TTN: variants seen among roughly 807,000 people sequenced by gnomAD.
TTN encodes titin, also known as connectin.
In TTN, 1,525 loss-of-function variants were observed where a neutral mutation model predicts 3,223.0. The ratio of observed to expected loss-of-function variants is 0.47; its 90% CI spans 0.45 to 0.49. TTN has a LOEUF of 0.49. TTN is among the 20% of genes least tolerant of loss of function. The pLI, the probability that TTN is intolerant of heterozygous loss-of-function variation, is 0.00. For synonymous variants in TTN, 14,094 were observed against 15,161.0 expected (o/e 0.93, Z 5.17); for missense variants, 40,786 against 43,424.0 (o/e 0.94, Z 5.40).
In TTN at chr2:178,652,932, C is replaced by T. The variant is rs1560116489; in HGVS notation, c.38876-1G>A. ...ACAACCTCTATGGGAGCCTCTGGCA[C>T]TTAAAAGATATTAGTGAAATTACAT... On this transcript the variant is annotated splice_acceptor_variant, in intron 199 of 362. Transcript: ENST00000589042. LOFTEE classifies it high-confidence loss of function. The T allele has an allele frequency of 3.7e-6, 6 of 1,604,370 alleles. No homozygotes were observed. The highest frequency in any genetic ancestry group is 1.7e-4 in the Middle Eastern group (1 of 5,998).
rs1691516796 is a variant in TTN, at chr2:178,536,398, G to T, written c.100349C>A (p.Thr33450Asn). 1.2e-6 allele frequency: 2 copies of T among 1,613,652 alleles called. No individual in the cohort carries two copies. The highest frequency in any genetic ancestry group is 1.7e-6 in the Non-Finnish European group (2 of 1,179,732). The change falls in exon 357 of 363, where the codon ACT (threonine) becomes AAT (asparagine). Residue 33450 changes from threonine to asparagine, a missense_variant. Thr to Asn is a moderately conservative substitution (Grantham distance 65, BLOSUM62 0). Coordinates refer to ENST00000589042, the MANE Select transcript of TTN (RefSeq NM_001267550.2). ...AATAAGGTTTTTCACTGAAAAGACA[G>T]TTTCTCGAATTTCTTCTGTTGTCAC... ...ISVTTEEIRE[T>N]VFSVKNLIEG...
Position 178,611,288 on chromosome 2 carries a change from A to G in TTN, c.50858-17T>C. On this transcript the variant is annotated splice_polypyrimidine_tract_variant and intron_variant, in intron 269 of 362. Transcript: ENST00000589042. ...TTGGCTTGCCTGTAAGATATCATTC[A>G]AAAGAGCAAAAAACAGAGTATGTCA... 1 of 1,610,944 alleles carries G rather than the reference A, an allele frequency of 6.2e-7. No homozygotes were observed. Among genetic ancestry groups the G allele is most frequent in the South Asian group, 1.1e-5 (1 of 90,608 alleles).
rs80003323 is a variant in TTN, at chr2:178,734,959, G to T, written c.14965C>A (p.Pro4989Thr). 1.0e-5 allele frequency: 16 copies of T among 1,596,974 alleles called. No individual in the cohort carries two copies. The highest frequency in any genetic ancestry group is 1.7e-4 in the Middle Eastern group (1 of 6,020). The change falls in exon 51 of 363, where the codon CCC becomes ACC. Residue 4989 changes from proline (P) to threonine (T), a missense_variant. By Grantham distance (38) the Pro-to-Thr change is conservative. Coordinates refer to ENST00000589042, the MANE Select transcript of TTN (RefSeq NM_001267550.2). ...EPPSFVKKVD[P>T]SYLMLPGESA... ...TCACCTGGGAGCATTAAATAAGAGG[G>T]ATCCACCTTCTTCACGAAGGATGGT...
At position 178,545,536 on chromosome 2, in the gene TTN, G is replaced by A. The variant is rs367557151; in HGVS notation, c.95574C>T (p.Asn31858=). 6.2e-7 allele frequency: 1 copy of A among 1,613,662 alleles called. No individual in the cohort carries two copies. Among genetic ancestry groups the A allele is most frequent in the Non-Finnish European group, 8.5e-7 (1 of 1,179,708 alleles). ...EKKSLRWTRV[N]KDYVVYDTRL... Reference sequence around the variant, plus strand: ...TGGTATCATACACCACATAGTCTTTGTTGACACGTGTCCAGCGCAGGCTCT... The same window carrying A: ...TGGTATCATACACCACATAGTCTTTATTGACACGTGTCCAGCGCAGGCTCT... Residue 31858 remains asparagine, a synonymous_variant, in exon 344 of 363, where the codon AAC becomes AAT. Coordinates refer to ENST00000589042, the MANE Select transcript of TTN (RefSeq NM_001267550.2).
At position 178,740,420 on chromosome 2, in the gene TTN, G is replaced by T. The variant is rs373302409; in HGVS notation, c.12813C>A (p.His4271Gln). 3.1e-6 allele frequency: 5 copies of T among 1,613,050 alleles called. No individual in the cohort carries two copies. In the Admixed American group the frequency reaches 8.3e-5, roughly 27 times the overall value. ...LILSQSLAEGHVESLQSPDVM... is the reference protein window; with the variant it reads ...LILSQSLAEGQVESLQSPDVM... Reference sequence around the variant, plus strand: ...CATCAGGACTCTGGAGACTCTCCACGTGTCCCTCAGCTAAGCTCTGACTCA... The same window carrying T: ...CATCAGGACTCTGGAGACTCTCCACTTGTCCCTCAGCTAAGCTCTGACTCA... Residue 4271 changes from histidine (H) to glutamine (Q), a missense_variant, in exon 48 of 363, where the codon CAC becomes CAA. Transcript: ENST00000589042.
intron 49 of TTN, 61 bp downstream of exon 49, chr2:178,738,021 A>C (rs941877470): frequency 2.6e-5 from 41 of 1,567,090 alleles, no homozygotes; most frequent in Non-Finnish European, 3.6e-5. Flanking sequence ...ATGTACAGAA[A>C]GCAAAAAGGA....
chr2:178,734,077 A>AT, intron 52 of TTN, among the ~76,000 whole-genome samples, 185 bp from the exon 53 acceptor site: 1 of 152,310 alleles, frequency 6.6e-6, no homozygotes, highest in South Asian at 2.1e-4. Flanking sequence ...AGAGGCATAG[A>AT]TGATACATGT....
chr2:178,578,821 C>G lies in TTN; in HGVS notation c.68209G>C (p.Ala22737Pro). Residue 22737 changes from alanine to proline, a missense_variant, in exon 320 of 363, where the codon GCG becomes CCG. By Grantham distance (27) the Ala-to-Pro change is conservative. Transcript: ENST00000589042. ...GEGLKSEPIVARHPFDVPDAP... is the reference protein window; with the variant it reads ...GEGLKSEPIVPRHPFDVPDAP... ...AGACACTTACCAAATGGATGTCTCG[C>G]AACAATTGGCTCCGATTTCAGGCCT... 1 of 1,610,900 alleles carries G rather than the reference C, an allele frequency of 6.2e-7. No homozygotes were observed. Among genetic ancestry groups the G allele is most frequent in the Non-Finnish European group, 8.5e-7 (1 of 1,177,978 alleles).
chr2:178,618,866 A>G lies in TTN; in HGVS notation c.46697-13T>C, dbSNP rs1189076758. ...ATTTTTGGTGCAGCTAGTGAGAAAGATAACATGTGAACGCTTTCGACTATT... is the reference window on the plus strand; with the variant it reads ...ATTTTTGGTGCAGCTAGTGAGAAAGGTAACATGTGAACGCTTTCGACTATT... On this transcript the variant is annotated splice_polypyrimidine_tract_variant and intron_variant, in intron 250 of 362. Coordinates refer to ENST00000589042, the MANE Select transcript of TTN (RefSeq NM_001267550.2). 6.2e-7 allele frequency: 1 copy of G among 1,606,590 alleles called. No homozygotes were observed. Among genetic ancestry groups the G allele is most frequent in the Non-Finnish European group, 8.5e-7 (1 of 1,177,818 alleles).
At chr2:178,675,355 TTG>T in intron 149 of TTN, 1 of 393,210 alleles carries the variant, frequency 2.5e-6, no homozygotes, top group African/African-American at 2.3e-5. Flanking sequence ...CTTTTTTCTT[TTG>T]TCTTTTTTTT....
chr2:178,581,723 T>C lies in TTN; in HGVS notation c.66545A>G (p.Tyr22182Cys), dbSNP rs879016147. The C allele has an allele frequency of 9.3e-6, 15 of 1,609,978 alleles. No homozygotes were observed. Among genetic ancestry groups the C allele is most frequent in the Non-Finnish European group, 1.3e-5 (15 of 1,178,042 alleles). The change falls in exon 316 of 363, where the codon TAT (tyrosine) becomes TGT (cysteine). Residue 22182 changes from tyrosine to cysteine, a missense_variant. Coordinates refer to ENST00000589042, the MANE Select transcript of TTN (RefSeq NM_001267550.2). ...ACCAATGATAGGGCTGCCGCCGTCA[T>C]AGGCTGGCTTGCCCCAAGATAGACT... is the stretch of plus-strand genomic sequence containing the variant. Reference protein sequence around the residue: ...SVSLSWGKPAYDGGSPIIGYL... With the variant: ...SVSLSWGKPACDGGSPIIGYL...
At position 178,675,909 on chromosome 2, in the gene TTN, G is replaced by C; in HGVS notation, c.34453+12C>G. The C allele has an allele frequency of 6.2e-7, 1 of 1,604,530 alleles. No individual in the cohort carries two copies. Among genetic ancestry groups the C allele is most frequent in the Non-Finnish European group, 8.5e-7 (1 of 1,174,828 alleles). On this transcript the variant is annotated intron_variant, in intron 148 of 362. Coordinates refer to ENST00000589042, the MANE Select transcript of TTN (RefSeq NM_001267550.2). ...AAATGGCATAGTCTAATTTACTTCG[G>C]AATAGCAATACCTTTGGCAGGGGGA...
At chr2:178,748,404 C>G in intron 47 of TTN, 1 of 1,613,202 alleles carries the variant, frequency 6.2e-7, no homozygotes, top group Non-Finnish European at 8.5e-7. Flanking sequence ...TTATTTTGCA[C>G]ACTTTTAGAG....
intron 13 of TTN, among the ~76,000 whole-genome samples, chr2:178,788,860 TCTC>T (rs1159555416): frequency 6.6e-6 from 1 of 152,062 alleles, no homozygotes; most frequent in African/African-American, 2.4e-5. Context: ...CAGCTTATCT[TCTC>T]CTCTGATATT....
rs190967471 is a variant in TTN at position 178,539,109 on chromosome 2, G to C, written c.98826C>G (p.Asp32942Glu). The C allele has an allele frequency of 3.6e-5, 58 of 1,613,746 alleles. No individual in the cohort carries two copies. The African/African-American group carries it at 6.5e-4, about 18-fold the overall frequency. The change falls in exon 353 of 363, where the codon GAC becomes GAG. Residue 32942 changes from aspartate (D) to glutamate (E), a missense_variant. By Grantham distance (45) the Asp-to-Glu change is conservative (BLOSUM62 2). Coordinates refer to ENST00000589042, the MANE Select transcript of TTN (RefSeq NM_001267550.2). Reference protein sequence around the residue: ...YYIERKETSTDKWVRHNKTQI... With the variant: ...YYIERKETSTEKWVRHNKTQI... ...GAGTCTTGTTGTGTCTGACCCACTT[G>C]TCAGTGGATGTCTCTTTGCGTTCGA...
At chr2:178,785,315 G>C (rs2093093855) in intron 15 of TTN, among the ~76,000 whole-genome samples, 1 of 152,106 alleles carries the variant, frequency 6.6e-6, no homozygotes, top group Non-Finnish European at 1.5e-5. Flanking sequence ...AAAATCATTA[G>C]AACAATAGTA....
At chr2:178,746,820 C>A in intron 47 of TTN, 2 of 1,613,360 alleles carry the variant, frequency 1.2e-6, no homozygotes, top group Non-Finnish European at 1.7e-6. Flanking sequence ...TTTTCATATA[C>A]CTTCCTTTTG....
intron 47 of TTN, chr2:178,748,261 G>C (rs371388583): frequency 6.2e-7 from 1 of 1,612,786 alleles, no homozygotes; most frequent in African/African-American, 1.3e-5. Context: ...TTTTTAAAAT[G>C]TCTAAGTTTT....
chr2:178,528,576 G>A lies in TTN; in HGVS notation c.107175C>T (p.Ile35725=). Residue 35725 remains isoleucine (I), a synonymous_variant, in exon 360 of 363, where the codon ATC becomes ATT. Transcript: ENST00000589042. ...CGATTTCAGGGGATGGCTCGCCACTGATTTCACAAGTAAAGAGAACATTTT... is the reference window on the plus strand; with the variant it reads ...CGATTTCAGGGGATGGCTCGCCACTAATTTCACAAGTAAAGAGAACATTTT... ...EGQNVLFTCE[I]SGEPSPEIEW... 6.2e-7 allele frequency: 1 copy of A among 1,612,762 alleles called. No individual in the cohort carries two copies. The highest frequency in any genetic ancestry group is 8.5e-7 in the Non-Finnish European group (1 of 1,179,180).
Sources: gnomAD v4.1 joint callset for allele counts (sites outside exome capture counted in the v4.1 genomes callset) on GRCh38, gnomAD v4.1.1 for gene constraint, MANE v1.5 for transcripts, NCBI Gene and HGNC (gene_info 2026-07-23, HGNC 2026-07-21) for gene names.